The following EPHA5 variants were observed in gnomAD, a reference collection of about 807,000 sequenced individuals.
The protein encoded by EPHA5 is ephrin type-A receptor 5.
EPHA5 carries 60 observed loss-of-function variants against 105.0 expected under a neutral mutation model. The observed-to-expected ratio is 0.57, with a 90% CI of 0.46 to 0.71. The LOEUF (loss-of-function observed/expected upper bound fraction) is 0.71, where lower values mean the gene tolerates loss of function less well. Ranked by LOEUF, EPHA5 falls within the 30% of genes least tolerant of loss-of-function variation. The pLI, the probability that EPHA5 is intolerant of heterozygous loss-of-function variation, is 0.00. For synonymous variants in EPHA5, 513 were observed against 449.1 expected (o/e 1.14, Z -1.80); for missense variants, 1,218 against 1,274.7 (o/e 0.96, Z 0.68).
intron 5 of EPHA5, among the ~76,000 whole-genome samples, chr4:65,454,377 G>A (rs1286321717): frequency 2.6e-5 from 4 of 152,112 alleles, no homozygotes; most frequent in African/African-American, 9.7e-5. Flanking sequence ...TTTATTCAAT[G>A]AAAAATCTTT....
intron 3 of EPHA5, among the ~76,000 whole-genome samples, chr4:65,496,232 C>CT (rs879829768): frequency 2.6e-4 from 39 of 151,518 alleles, no homozygotes; most frequent in African/African-American, 4.8e-4. Flanking sequence ...AACATTATGT[C>CT]TTTTTTTTTA....
rs191408447 is a variant in EPHA5 at position 65,416,596 on chromosome 4, C to T, written c.1528-2153G>A. On this transcript the variant is annotated intron_variant, in intron 6 of 16. Coordinates refer to ENST00000613740, the MANE Select transcript of EPHA5 (RefSeq NM_001281766.3). ...AATATTAGAAATTGATACTTTTTTG[C>T]CAAAAAGGAAACATATACAAGGAAA... Among the ~76,000 whole-genome samples, 28 of 151,778 alleles carry T rather than the reference C, an allele frequency of 1.8e-4. No individual in the cohort carries two copies. In the East Asian group the frequency reaches 5.2e-3, roughly 28 times the overall value.
intron 11 of EPHA5, among the ~76,000 whole-genome samples, chr4:65,364,288 C>T (rs1417512671): frequency 6.6e-6 from 1 of 151,520 alleles, no homozygotes; most frequent in African/African-American, 2.4e-5. Flanking sequence ...AATCAGAACA[C>T]ATAGAAACAG....
At chr4:65,338,536 A>C (rs1192051850) in intron 14 of EPHA5, among the ~76,000 whole-genome samples, 1 of 152,046 alleles carries the variant, frequency 6.6e-6, no homozygotes, top group East Asian at 1.9e-4. Context: ...TAAACACCTT[A>C]AGAAGTTATT....
chr4:65,398,210 C>T (rs1004475256), intron 8 of EPHA5, among the ~76,000 whole-genome samples: 1 of 152,184 alleles, frequency 6.6e-6, no homozygotes. Flanking sequence ...GGTGCCCACT[C>T]TGATTTTGGA....
intron 16 of EPHA5, among the ~76,000 whole-genome samples, chr4:65,329,809 CTTT>C (rs5858950): frequency 2.8e-4 from 39 of 137,444 alleles, no homozygotes; most frequent in Admixed American, 1.5e-3. Flanking sequence ...CAATGACTGA[CTTT>C]TTTTTTTTTT....
chr4:65,526,455 AC>A (rs1735239163), intron 3 of EPHA5, among the ~76,000 whole-genome samples: 1 of 151,656 alleles, frequency 6.6e-6, no homozygotes, highest in Non-Finnish European at 1.5e-5. Flanking sequence ...ATCTGTCTTT[AC>A]AAAAAATTAA....
chr4:65,491,990 C>G (rs762686563), intron 4 of EPHA5, among the ~76,000 whole-genome samples: 5 of 152,068 alleles, frequency 3.3e-5, no homozygotes, highest in Non-Finnish European at 7.4e-5. Flanking sequence ...TCTCTCCTTA[C>G]AGAGAATAAA....
intron 1 of EPHA5, among the ~76,000 whole-genome samples, chr4:65,659,473 T>A (rs1461283252): frequency 1.3e-5 from 2 of 151,592 alleles, no homozygotes; most frequent in Non-Finnish European, 2.9e-5. Flanking sequence ...TTAATACGAG[T>A]TAAATTAGTG....
intron 3 of EPHA5, among the ~76,000 whole-genome samples, chr4:65,541,516 A>G (rs945347445): frequency 1.3e-5 from 2 of 152,022 alleles, no homozygotes; most frequent in Admixed American, 1.3e-4. Flanking sequence ...GGCATTACAT[A>G]ATGGTAAAGG....
chr4:65,665,845 C>G (rs1749921180), intron 1 of EPHA5, among the ~76,000 whole-genome samples: 1 of 152,146 alleles, frequency 6.6e-6, no homozygotes, highest in Admixed American at 6.6e-5. Context: ...TTCACGGTCC[C>G]TTGTAGTTTC....
Position 65,500,546 on chromosome 4 carries a change from CAA to C in EPHA5, c.911-5005_911-5004del, listed in dbSNP as rs11302474. Reference sequence around the variant, plus strand: ...ATTGTTTAAAGATTCTCAAAATTACCAAAAAAAAAAATTAAACTGACAAATTG... The same window carrying C: ...ATTGTTTAAAGATTCTCAAAATTACCAAAAAAAAATTAAACTGACAAATTG... On this transcript the variant is annotated intron_variant, in intron 3 of 16. Transcript: ENST00000613740. Among the ~76,000 whole-genome samples the C allele has an allele frequency of 1.1e-3, 155 of 141,748 alleles. 1 individual carries two copies. The highest frequency in any genetic ancestry group is 4.3e-3 in the Admixed American group (61 of 14,058). The allele number at this position is 141,748 out of a possible 152,430, so 93.0% of individuals were successfully genotyped here. A position where few individuals can be genotyped will look rare whatever the true frequency, so the allele number is the denominator to read the frequency against.
intron 3 of EPHA5, among the ~76,000 whole-genome samples, chr4:65,573,271 C>A (rs1740402471): frequency 6.6e-6 from 1 of 151,522 alleles, no homozygotes; most frequent in Non-Finnish European, 1.5e-5. Context: ...ATTAGCTGGG[C>A]GTGGTGGCAG....
intron 5 of EPHA5, among the ~76,000 whole-genome samples, chr4:65,423,783 G>T (rs1273478154): frequency 2.0e-5 from 3 of 151,330 alleles, no homozygotes; most frequent in African/African-American, 7.3e-5. Flanking sequence ...TCTGTAAGGA[G>T]CACTGGTTTC....
intron 5 of EPHA5, among the ~76,000 whole-genome samples, chr4:65,464,252 C>T (rs1287256703): frequency 6.6e-6 from 1 of 151,988 alleles, no homozygotes; most frequent in Admixed American, 6.6e-5. Context: ...CAAAACCCAT[C>T]AAAGTTCCCA....
At chr4:65,525,088 A>G (rs1735106777) in intron 3 of EPHA5, among the ~76,000 whole-genome samples, 2 of 151,766 alleles carry the variant, frequency 1.3e-5, no homozygotes, top group African/African-American at 4.8e-5. Context: ...TGCCTTAAGA[A>G]AACCCTGTAT....
At chr4:65,515,001 C>A (rs1033213909) in intron 3 of EPHA5, among the ~76,000 whole-genome samples, 2 of 152,096 alleles carry the variant, frequency 1.3e-5, no homozygotes, top group African/African-American at 4.8e-5. Context: ...GCTGCAAACT[C>A]CACAATCTCA....
intron 3 of EPHA5, among the ~76,000 whole-genome samples, chr4:65,513,380 T>C (rs890814780): frequency 6.6e-6 from 1 of 152,142 alleles, no homozygotes; most frequent in East Asian, 1.9e-4. Flanking sequence ...TGGGGTTTTT[T>C]TGTTTGTTTT....
At chr4:65,351,297 T>C in intron 13 of EPHA5, 92 bp downstream of exon 13, 2 of 1,154,518 alleles carry the variant, frequency 1.7e-6, no homozygotes, top group Non-Finnish European at 2.5e-6. Flanking sequence ...TTGACTTTGT[T>C]GCAGGAATGC....
Sources: gnomAD v4.1 joint callset for allele counts (sites outside exome capture counted in the v4.1 genomes callset) on GRCh38, gnomAD v4.1.1 for gene constraint, MANE v1.5 for transcripts, NCBI Gene and HGNC (gene_info 2026-07-23, HGNC 2026-07-21) for gene names.